The following ATF7 variants were observed in gnomAD, a reference collection of about 807,000 sequenced individuals.
The protein encoded by ATF7 is cyclic AMP-dependent transcription factor ATF-7.
ATF7 carries 10 observed loss-of-function variants against 50.4 expected under a neutral mutation model. The ratio of observed to expected loss-of-function variants is 0.20; its 90% CI spans 0.12 to 0.34. ATF7 has a LOEUF of 0.34. Ranked by LOEUF, ATF7 falls within the 10% of genes least tolerant of loss-of-function variation. The pLI is 1.00. For missense variants in ATF7, 465 were observed against 613.9 expected, an observed-to-expected ratio of 0.76 and a Z score of 2.56; for synonymous variants, 201 against 226.4, an observed-to-expected ratio of 0.89 and a Z score of 1.01.
At chr12:53,519,047 C>T (rs1000110086) in intron 11 of ATF7, among the ~76,000 whole-genome samples, 5 of 149,562 alleles carry the variant, frequency 3.3e-5, no homozygotes, top group African/African-American at 1.3e-4. Context: ...GAGCGAGACT[C>T]CGTCTCAAAA....
At chr12:53,530,663 A>G (rs1355016903) in intron 9 of ATF7, among the ~76,000 whole-genome samples, 1 of 151,908 alleles carries the variant, frequency 6.6e-6, no homozygotes, top group African/African-American at 2.4e-5. Context: ...GCTGGAGTGC[A>G]GTGGTGTGAT....
intron 2 of ATF7, among the ~76,000 whole-genome samples, chr12:53,585,178 G>C (rs1942616303): frequency 6.6e-6 from 1 of 151,950 alleles, no homozygotes; most frequent in South Asian, 2.1e-4. Context: ...GTCTCACTAT[G>C]TTGCCTAGGC....
intron 2 of ATF7, among the ~76,000 whole-genome samples, chr12:53,562,966 A>G (rs1388461139): frequency 3.9e-5 from 6 of 152,200 alleles, no homozygotes; most frequent in Non-Finnish European, 4.4e-5. Context: ...AAAATACATT[A>G]CCTTTCTGTC....
chr12:53,598,507 T>C (rs932476063), intron 2 of ATF7, among the ~76,000 whole-genome samples: 3 of 152,092 alleles, frequency 2.0e-5, no homozygotes, highest in African/African-American at 7.2e-5. Flanking sequence ...CAACAAATAA[T>C]TCAGAAACAG....
chr12:53,576,409 T>A (rs117636942), intron 2 of ATF7, among the ~76,000 whole-genome samples: 1 of 152,308 alleles, frequency 6.6e-6, no homozygotes, highest in East Asian at 1.9e-4. Context: ...TAATCACCAA[T>A]GTAACATTAT....
intron 4 of ATF7, 99 bp downstream of exon 4, chr12:53,543,231 T>C (rs1308742427): frequency 6.4e-7 from 1 of 1,551,086 alleles, no homozygotes; most frequent in East Asian, 2.4e-5. Context: ...AAGCCCATGA[T>C]TTTGTGTTTT....
intron 3 of ATF7, among the ~76,000 whole-genome samples, chr12:53,548,030 CCTAG>C (rs1940064737): frequency 7.9e-6 from 1 of 125,988 alleles, no homozygotes; most frequent in African/African-American, 2.7e-5. Context: ...TGCCACCATG[CCTAG>C]CTATTTTTTT....
At chr12:53,584,262 G>A (rs1043917589) in intron 2 of ATF7, among the ~76,000 whole-genome samples, 14 of 152,180 alleles carry the variant, frequency 9.2e-5, no homozygotes, top group African/African-American at 3.4e-4. Context: ...GATTACAGGT[G>A]TGAGCCACCC....
Position 53,524,915 on chromosome 12 carries a change from T to G in ATF7, c.928-154A>C. The G allele has an allele frequency of 1.4e-6, 1 of 718,232 alleles. No individual in the cohort carries two copies. Among genetic ancestry groups the G allele is most frequent in the Non-Finnish European group, 2.2e-6 (1 of 463,160 alleles). 44.5% of individuals were successfully genotyped at this position (718,232 alleles called of 1,614,324 possible). On this transcript the variant is annotated intron_variant, in intron 9 of 11. Coordinates refer to ENST00000420353, the MANE Select transcript of ATF7 (RefSeq NM_006856.3). This position sits in a 1 kb window ranked among gnomAD's most constrained non-coding sequence, Gnocchi z 4.6. ...TCATTACTATGTCCCCAAGCTTCCC[T>G]TTTGTAGGAGTCCTCAATTTTGCCT... is the stretch of plus-strand genomic sequence containing the variant.
intron 1 of ATF7, among the ~76,000 whole-genome samples, chr12:53,612,435 G>A (rs1263545688): frequency 2.0e-5 from 3 of 151,964 alleles, no homozygotes; most frequent in South Asian, 4.1e-4. Flanking sequence ...CATCACGCCC[G>A]GCTAATTTTT....
intron 2 of ATF7, among the ~76,000 whole-genome samples, chr12:53,600,344 C>CTT (rs1301233001): frequency 1.4e-5 from 2 of 145,540 alleles, no homozygotes; most frequent in Non-Finnish European, 3.0e-5. Flanking sequence ...TTCTTTCTTT[C>CTT]TTTTTTTTTT....
chr12:53,618,434 A>G (rs1348443665), intron 1 of ATF7, among the ~76,000 whole-genome samples: 1 of 152,186 alleles, frequency 6.6e-6, no homozygotes, highest in Non-Finnish European at 1.5e-5. Context: ...ACGATTTGCA[A>G]TTTTTTAAAA....
intron 1 of ATF7, among the ~76,000 whole-genome samples, chr12:53,614,519 A>G (rs1944030492): frequency 6.6e-6 from 1 of 152,226 alleles, no homozygotes; most frequent in South Asian, 2.1e-4. Context: ...CAGGCTGCAA[A>G]GAACAAAAAA....
At chr12:53,533,546 C>G (rs907334531) in intron 6 of ATF7, among the ~76,000 whole-genome samples, 4 of 152,228 alleles carry the variant, frequency 2.6e-5, no homozygotes, top group Non-Finnish European at 5.9e-5. Context: ...ATTCCTACCA[C>G]TGGCTTGCCT....
At chr12:53,557,834 C>T (rs1370328990) in intron 2 of ATF7, among the ~76,000 whole-genome samples, 1 of 152,166 alleles carries the variant, frequency 6.6e-6, no homozygotes, top group Non-Finnish European at 1.5e-5. Flanking sequence ...TCAAAACACA[C>T]ACTGGATTTC....
chr12:53,570,499 G>A (rs1028914299), intron 2 of ATF7, among the ~76,000 whole-genome samples: 2 of 152,190 alleles, frequency 1.3e-5, no homozygotes, highest in Admixed American at 6.5e-5. Flanking sequence ...TAGTAGGCCG[G>A]TAATGCCTCC....
At chr12:53,527,146 G>A (rs56179155) in intron 9 of ATF7, among the ~76,000 whole-genome samples, 6,414 of 148,514 alleles carry the variant, frequency 0.043, 390 homozygotes, top group African/African-American at 0.13. Context: ...GCAACAGAGC[G>A]AGACCCTGTC....
At chr12:53,573,014 G>T (rs1399157588) in intron 2 of ATF7, among the ~76,000 whole-genome samples, 1 of 149,426 alleles carries the variant, frequency 6.7e-6, no homozygotes, top group Non-Finnish European at 1.5e-5. Flanking sequence ...CGAACTCTTG[G>T]CCTCAAGTGA....
intron 1 of ATF7, among the ~76,000 whole-genome samples, chr12:53,619,518 G>GA (rs1277362546): frequency 6.9e-6 from 1 of 145,838 alleles, no homozygotes; most frequent in Non-Finnish European, 1.5e-5. Context: ...AAAAAAAGAA[G>GA]AGTTTCCAAA....
Sources: allele counts gnomAD v4.1 joint callset (sites outside exome capture counted in the v4.1 genomes callset), GRCh38; gene constraint gnomAD v4.1.1; non-coding constraint Gnocchi (gnomAD v3.1); transcripts MANE v1.5; gene names NCBI Gene and HGNC (gene_info 2026-07-23, HGNC 2026-07-21).